Variants in RNF13 observed in about 807,000 individuals in gnomAD.
RNF13 encodes E3 ubiquitin-protein ligase RNF13.
In RNF13, 19 loss-of-function variants were observed where a neutral mutation model predicts 37.7. The observed-to-expected ratio is 0.50, with a 90% confidence interval of 0.35 to 0.74. RNF13 has a LOEUF of 0.74. Among genes scored for constraint, RNF13 ranks in the 30% least tolerant of loss-of-function variants. The pLI is 0.01. For missense variants in RNF13, 375 were observed against 453.0 expected (o/e 0.83, Z 1.56); for synonymous variants, 144 against 157.8 (o/e 0.91, Z 0.65).
intron 1 of RNF13, among the ~76,000 whole-genome samples, chr3:149,827,957 T>C (rs1367403362): frequency 1.3e-5 from 2 of 152,210 alleles, no homozygotes; most frequent in East Asian, 3.9e-4. Context: ...ATTTTTTTTT[T>C]TTTTTTAAAG....
intron 3 of RNF13, 69 bp from the exon 4 acceptor site, chr3:149,871,960 A>G (rs1712121152): frequency 1.5e-6 from 2 of 1,359,148 alleles, no homozygotes. Context: ...TCGAAAAGAT[A>G]TTTGTAGAAG....
At chr3:149,951,138 A>G (rs1409671522) in intron 8 of RNF13, among the ~76,000 whole-genome samples, 2 of 152,100 alleles carry the variant, frequency 1.3e-5, no homozygotes, top group Non-Finnish European at 2.9e-5. Context: ...TAACTCTCAG[A>G]CTTGTCCACA....
chr3:149,817,683 G>C (rs1464398197), intron 1 of RNF13, among the ~76,000 whole-genome samples: 2 of 152,068 alleles, frequency 1.3e-5, no homozygotes, highest in African/African-American at 4.8e-5. Context: ...AAGGATAAGA[G>C]GCTTACCATT....
intron 4 of RNF13, among the ~76,000 whole-genome samples, chr3:149,889,910 C>T (rs113358000): frequency 1.3e-5 from 2 of 152,230 alleles, no homozygotes; most frequent in African/African-American, 4.8e-5. Context: ...CTCCTGACCT[C>T]GTGATCTGCC....
At chr3:149,880,748 A>G (rs185745665) in intron 4 of RNF13, among the ~76,000 whole-genome samples, 73 of 152,324 alleles carry the variant, frequency 4.8e-4, no homozygotes, top group African/African-American at 1.8e-3. Context: ...TCAAAGACCT[A>G]TAAGCTAATG....
chr3:149,940,815 A>G (rs1720176704), intron 8 of RNF13, among the ~76,000 whole-genome samples: 1 of 152,130 alleles, frequency 6.6e-6, no homozygotes, highest in African/African-American at 2.4e-5. Context: ...TTATAACACT[A>G]AGACTCTGTA....
At chr3:149,844,970 C>T (rs754167485) in intron 1 of RNF13, among the ~76,000 whole-genome samples, 28 of 152,290 alleles carry the variant, frequency 1.8e-4, no homozygotes, top group African/African-American at 5.8e-4. Context: ...TTTCCCCCCA[C>T]GCCCTGCCAA....
chr3:149,822,746 G>A (rs935238964), intron 1 of RNF13, among the ~76,000 whole-genome samples: 3 of 152,038 alleles, frequency 2.0e-5, no homozygotes, highest in African/African-American at 4.8e-5. Context: ...GGAGAGAAGT[G>A]TCAATACGTA....
At chr3:149,817,344 C>T (rs1053349885) in intron 1 of RNF13, 1 of 152,042 alleles carries the variant, frequency 6.6e-6, no homozygotes, top group Non-Finnish European at 1.5e-5. Flanking sequence ...GGAGGAAAAA[C>T]TTTTAGACCT....
intron 7 of RNF13, among the ~76,000 whole-genome samples, chr3:149,913,908 C>T (rs1717238373): frequency 6.6e-6 from 1 of 152,074 alleles, no homozygotes; most frequent in Non-Finnish European, 1.5e-5. Context: ...TCTTTTCTTT[C>T]TTTAGAAGTG....
At chr3:149,848,381 A>G (rs1267631399) in intron 2 of RNF13, among the ~76,000 whole-genome samples, 1 of 152,228 alleles carries the variant, frequency 6.6e-6, no homozygotes, top group East Asian at 1.9e-4. Flanking sequence ...ACACGAATGC[A>G]AAGATGGCTG....
At chr3:149,927,955 A>G (rs1019313899) in intron 8 of RNF13, among the ~76,000 whole-genome samples, 5 of 146,976 alleles carry the variant, frequency 3.4e-5, no homozygotes, top group African/African-American at 1.3e-4. Flanking sequence ...ATGTAGTCCA[A>G]TTTACCTTTT....
At chr3:149,886,000 A>G (rs1278396890) in intron 4 of RNF13, among the ~76,000 whole-genome samples, 2 of 152,138 alleles carry the variant, frequency 1.3e-5, no homozygotes, top group Non-Finnish European at 2.9e-5. Flanking sequence ...TCTTTTCCCC[A>G]GTGTATGTTC....
At chr3:149,877,497 A>AT (rs1329661524) in intron 4 of RNF13, among the ~76,000 whole-genome samples, 91 of 42,120 alleles carry the variant, frequency 2.2e-3, no homozygotes, top group Middle Eastern at 0.017. Flanking sequence ...TTTTTTGGTG[A>AT]TTTTTTTGTT....
At chr3:149,944,730 T>C (rs960471261) in intron 8 of RNF13, among the ~76,000 whole-genome samples, 8 of 152,258 alleles carry the variant, frequency 5.3e-5, no homozygotes, top group Admixed American at 4.6e-4. Context: ...GATGGGTAGA[T>C]TGCAATAATT....
intron 8 of RNF13, among the ~76,000 whole-genome samples, chr3:149,946,392 T>C (rs1450924591): frequency 6.6e-6 from 1 of 152,264 alleles, no homozygotes; most frequent in Non-Finnish European, 1.5e-5. Context: ...TTAGTTCTTA[T>C]TTAAATATTT....
intron 6 of RNF13, among the ~76,000 whole-genome samples, chr3:149,902,800 C>T (rs1274292996): frequency 6.6e-6 from 1 of 152,038 alleles, no homozygotes; most frequent in Admixed American, 6.6e-5. Context: ...CGTAGTTGAC[C>T]AGAACAGACT....
intron 1 of RNF13, among the ~76,000 whole-genome samples, chr3:149,826,005 A>C (rs981309841): frequency 2.0e-5 from 3 of 152,134 alleles, no homozygotes; most frequent in African/African-American, 7.2e-5. Context: ...ATAATCATTT[A>C]TATTGAATAC....
chr3:149,900,712 A>G (rs1715739581), intron 5 of RNF13, among the ~76,000 whole-genome samples: 1 of 152,252 alleles, frequency 6.6e-6, no homozygotes, highest in African/African-American at 2.4e-5. Flanking sequence ...CCATTGATAT[A>G]AAAAATAAAA....
Sources: gnomAD v4.1 joint callset for allele counts (sites outside exome capture counted in the v4.1 genomes callset) on GRCh38, gnomAD v4.1.1 for gene constraint, MANE v1.5 for transcripts, NCBI Gene and HGNC (gene_info 2026-07-23, HGNC 2026-07-21) for gene names.